The following SCHIP1 variants were observed in gnomAD, a reference collection of about 807,000 sequenced individuals.
The protein encoded by SCHIP1 is schwannomin-interacting protein 1.
SCHIP1 carries 8 observed loss-of-function variants against 29.7 expected under a neutral mutation model. The observed-to-expected ratio is 0.27, with a 90% CI of 0.16 to 0.49. SCHIP1 has a LOEUF of 0.49. Among genes scored for constraint, SCHIP1 ranks in the 20% least tolerant of loss-of-function variants. The pLI is 0.99. For synonymous variants in SCHIP1, 76 were observed against 94.9 expected (o/e 0.80, Z 1.16); for missense variants, 193 against 294.6 (o/e 0.66, Z 2.52).
chr3:159,543,679 C>T, the SCHIP1 span, among the ~76,000 whole-genome samples: 4 of 151,800 alleles, frequency 2.6e-5, no homozygotes, highest in Admixed American at 1.3e-4. Context: ...AATAAACATA[C>T]GTGTGCATGT....
At chr3:159,735,505 C>G in the SCHIP1 span, among the ~76,000 whole-genome samples, 1 of 152,162 alleles carries the variant, frequency 6.6e-6, no homozygotes, top group Non-Finnish European at 1.5e-5. Context: ...GCTGGGATTA[C>G]AGACGTGAGC....
the SCHIP1 span, among the ~76,000 whole-genome samples, chr3:159,676,199 G>A: frequency 3.9e-5 from 6 of 152,240 alleles, no homozygotes; most frequent in South Asian, 6.2e-4. Context: ...GCTCCAGAAG[G>A]GTTTATACTT....
At chr3:159,685,569 A>T in the SCHIP1 span, among the ~76,000 whole-genome samples, 1 of 152,098 alleles carries the variant, frequency 6.6e-6, no homozygotes, top group Non-Finnish European at 1.5e-5. Flanking sequence ...TATCTCTACA[A>T]CCCTTATAAG....
chr3:159,558,003 G>A, the SCHIP1 span, among the ~76,000 whole-genome samples: 5 of 152,292 alleles, frequency 3.3e-5, no homozygotes, highest in African/African-American at 9.6e-5. Flanking sequence ...AGAAGGATCC[G>A]CAAGATATAA....
chr3:159,696,801 G>C, the SCHIP1 span, among the ~76,000 whole-genome samples: 613 of 152,298 alleles, frequency 4.0e-3, no homozygotes, highest in Non-Finnish European at 7.0e-3. Context: ...GTATGTACCA[G>C]GAAAAGAGAT....
chr3:159,568,884 G>T, the SCHIP1 span, among the ~76,000 whole-genome samples: 1 of 152,000 alleles, frequency 6.6e-6, no homozygotes, highest in South Asian at 2.1e-4. Flanking sequence ...TTTTATCTCT[G>T]AATATTTTAT....
chr3:159,580,519 TCTTTA>T, the SCHIP1 span, among the ~76,000 whole-genome samples: 1 of 152,160 alleles, frequency 6.6e-6, no homozygotes, highest in African/African-American at 2.4e-5. Flanking sequence ...AACTACCATC[TCTTTA>T]CAAGATTGAA....
the SCHIP1 span, among the ~76,000 whole-genome samples, chr3:159,316,064 C>T: frequency 0.023 from 3,443 of 152,104 alleles, 124 homozygotes; most frequent in African/African-American, 0.079. Flanking sequence ...AGGAGGGCTC[C>T]TAAGGCTCAA....
the SCHIP1 span, among the ~76,000 whole-genome samples, chr3:159,826,967 A>G: frequency 6.6e-6 from 1 of 152,168 alleles, no homozygotes; most frequent in African/African-American, 2.4e-5. Context: ...ACCTGGTGTC[A>G]TGTGTTGGGA....
At chr3:159,787,553 A>C in the SCHIP1 span, among the ~76,000 whole-genome samples, 671 of 152,358 alleles carry the variant, frequency 4.4e-3, 2 homozygotes, top group Middle Eastern at 0.014. Context: ...CCTCCAGGAT[A>C]GCAATTCCAT....
At chr3:159,764,624 C>G in the SCHIP1 span, 1 of 1,608,038 alleles carries the variant, frequency 6.2e-7, no homozygotes, top group Non-Finnish European at 8.5e-7. This position sits in a 1 kb window ranked among gnomAD's most constrained non-coding sequence, Gnocchi z 6.1. Context: ...GAGCCCTTCC[C>G]GGTCTACCAG....
the SCHIP1 span, among the ~76,000 whole-genome samples, chr3:159,545,946 A>G: frequency 6.6e-6 from 1 of 151,846 alleles, no homozygotes; most frequent in African/African-American, 2.4e-5. Flanking sequence ...TTTTTTCAAA[A>G]ATATTTTGAA....
the SCHIP1 span, among the ~76,000 whole-genome samples, chr3:159,495,715 T>A: frequency 6.6e-6 from 1 of 152,210 alleles, no homozygotes; most frequent in East Asian, 1.9e-4. Flanking sequence ...GCCATCCCTA[T>A]CAAGCTACCA....
At chr3:159,668,549 C>G in the SCHIP1 span, among the ~76,000 whole-genome samples, 8 of 152,016 alleles carry the variant, frequency 5.3e-5, no homozygotes, top group Non-Finnish European at 7.4e-5. Flanking sequence ...GATGGCGTGT[C>G]TCATCATCTT....
At chr3:159,317,608 T>C in the SCHIP1 span, among the ~76,000 whole-genome samples, 3 of 152,206 alleles carry the variant, frequency 2.0e-5, no homozygotes, top group African/African-American at 7.2e-5. Context: ...GGCATTGTAA[T>C]TGTGACTTCA....
At chr3:159,428,516 G>C in the SCHIP1 span, among the ~76,000 whole-genome samples, 2 of 152,182 alleles carry the variant, frequency 1.3e-5, no homozygotes, top group Non-Finnish European at 1.5e-5. Flanking sequence ...ACACCAGTTA[G>C]AATGGCAATC....
intron 1 of SCHIP1, among the ~76,000 whole-genome samples, chr3:159,841,388 A>C (rs769837712): frequency 2.8e-4 from 43 of 152,308 alleles, no homozygotes; most frequent in Middle Eastern, 3.4e-3. Flanking sequence ...CATGCTTCAC[A>C]GTAATTCTTT....
the SCHIP1 span, among the ~76,000 whole-genome samples, chr3:159,747,370 C>A: frequency 1.3e-5 from 2 of 152,278 alleles, no homozygotes; most frequent in African/African-American, 4.8e-5. Context: ...TTTATCTAGA[C>A]AAATGTTTCC....
At chr3:159,511,320 C>T in the SCHIP1 span, among the ~76,000 whole-genome samples, 1 of 152,202 alleles carries the variant, frequency 6.6e-6, no homozygotes, top group South Asian at 2.1e-4. Flanking sequence ...ATTGGAAAAG[C>T]ACAGTATTAG....
Sources: gnomAD v4.1 joint callset for allele counts (sites outside exome capture counted in the v4.1 genomes callset) on GRCh38, gnomAD v4.1.1 for gene constraint, Gnocchi (gnomAD v3.1) non-coding constraint, MANE v1.5 for transcripts, NCBI Gene and HGNC (gene_info 2026-07-23, HGNC 2026-07-21) for gene names.